CCNJL: variants seen among roughly 807,000 people sequenced by gnomAD.
CCNJL encodes the protein cyclin-J-like protein.
In CCNJL, 33 loss-of-function variants were observed where a neutral mutation model predicts 33.4. The observed-to-expected ratio is 0.99, with a 90% CI of 0.75 to 1.32. The LOEUF (loss-of-function observed/expected upper bound fraction) is 1.32, where lower values mean the gene tolerates loss of function less well. Ranked by LOEUF, CCNJL falls within the 40% of genes most tolerant of loss-of-function variation. The pLI is 0.00. For missense variants in CCNJL, 512 were observed against 499.7 expected (o/e 1.02, Z -0.23); for synonymous variants, 227 against 220.9 (o/e 1.03, Z -0.24).
At chr5:160,269,384 A>T in intron 3 of CCNJL, 1 of 456,356 alleles carries the variant, frequency 2.2e-6, no homozygotes, top group Non-Finnish European at 4.4e-6. Flanking sequence ...CTGTCCTCGT[A>T]CGGAGGATAG....
At chr5:160,254,218 A>C (rs1035039153) in intron 5 of CCNJL, 1 of 525,690 alleles carries the variant, frequency 1.9e-6, no homozygotes, top group Non-Finnish European at 3.4e-6. Context: ...GAATGAGCCC[A>C]ATCTCTGCTT....
At chr5:160,330,507 A>T (rs1048007495) in intron 1 of CCNJL, among the ~76,000 whole-genome samples, 13 of 152,158 alleles carry the variant, frequency 8.5e-5, no homozygotes, top group African/African-American at 3.1e-4. Context: ...CCCCCTTGTC[A>T]CTGCCATTCT....
chr5:160,313,433 G>A (rs1380948788), upstream of CCNJL, among the ~76,000 whole-genome samples: 1 of 152,172 alleles, frequency 6.6e-6, no homozygotes, highest in African/African-American at 2.4e-5. Flanking sequence ...AGGAGATAAT[G>A]CGTGTAAAGG....
rs1469117654 is a variant in CCNJL, at chr5:160,338,072, A to G, written n.206+1373T>C. 3.3e-5 allele frequency among the ~76,000 whole-genome samples: 5 copies of G among 152,340 alleles called. No homozygotes were observed. The East Asian group carries it at 9.6e-4, about 29-fold the overall frequency. ...AAGCAAGTTTGAATCCTTCATTTGC[A>G]TAAACATGTTTGATTGGAAACCTAT... On this transcript the variant is annotated intron_variant and non_coding_transcript_variant, in intron 1 of 7. Coordinates refer to the CCNJL transcript ENST00000377503.
chr5:160,291,036 TAAAAAAA>T (rs1177369719), intron 2 of CCNJL, among the ~76,000 whole-genome samples: 40 of 57,542 alleles, frequency 7.0e-4, no homozygotes, highest in African/African-American at 2.6e-3. Flanking sequence ...CGTCTTTACT[TAAAAAAA>T]AAAAAAAAAA....
At chr5:160,270,928 A>G (rs771690210) in intron 3 of CCNJL, among the ~76,000 whole-genome samples, 9 of 152,178 alleles carry the variant, frequency 5.9e-5, no homozygotes, top group Non-Finnish European at 1.2e-4. Flanking sequence ...ACAAGTACCT[A>G]CAAGTCGGGA....
In CCNJL at chr5:160,311,888, G is replaced by A. The variant is rs756623912; in HGVS notation, c.36C>T (p.Ala12=). ...MDEPWWEGRV[A]SDVHCTLREK... ...CGCGCAGGGTGCAGTGGACGTCCGA[G>A]GCGACGCGCCCTTCCCACCACGGCT... is the stretch of plus-strand genomic sequence containing the variant. Residue 12 remains alanine (A), a synonymous_variant, in exon 2 of 6, where the codon GCC becomes GCT. Transcript: ENST00000257536. 7 of 1,614,200 alleles carry A rather than the reference G, an allele frequency of 4.3e-6. No homozygotes were observed. The highest frequency in any genetic ancestry group is 5.9e-6 in the Non-Finnish European group (7 of 1,180,006).
intron 2 of CCNJL, among the ~76,000 whole-genome samples, chr5:160,297,366 A>G (rs1478559566): frequency 7.0e-6 from 1 of 143,380 alleles, no homozygotes; most frequent in Non-Finnish European, 1.5e-5. Context: ...CCACAGTTGA[A>G]GCCAGCAAAG....
chr5:160,321,066 CTTTCTTTCTTTCTT>C (rs1561812881), intron 1 of CCNJL, among the ~76,000 whole-genome samples: 59 of 121,292 alleles, frequency 4.9e-4, no homozygotes, highest in African/African-American at 2.6e-3. Flanking sequence ...TTCTTTCTTT[CTTTCTTTCTTTCTT>C]TCTTTCTTTC....
intron 1 of CCNJL, among the ~76,000 whole-genome samples, chr5:160,335,568 GTCTT>G (rs1409620295): frequency 2.0e-5 from 3 of 151,702 alleles, no homozygotes; most frequent in Non-Finnish European, 4.4e-5. Context: ...TCATTCCTTC[GTCTT>G]TCTTTCTTTC....
At position 160,287,178 on chromosome 5, in the gene CCNJL, CGTAAAT is replaced by C. The variant is rs1449469059; in HGVS notation, c.67-6446_67-6441del. 3.3e-5 allele frequency among the ~76,000 whole-genome samples: 5 copies of C among 152,132 alleles called. No individual in the cohort carries two copies. The East Asian group carries it at 9.6e-4, about 29-fold the overall frequency. On this transcript the variant is annotated intron_variant, in intron 2 of 5. Transcript: ENST00000257536. ...ATCTGAGAAATGGGGGTCACGCTGC[CGTAAAT>C]GTAGAGTATTTGGTGTTAACAGCAG...
At chr5:160,257,679 C>T (rs183959991) in intron 4 of CCNJL, among the ~76,000 whole-genome samples, 10 of 151,880 alleles carry the variant, frequency 6.6e-5, no homozygotes, top group Admixed American at 5.3e-4. Flanking sequence ...TAAGCGCAAC[C>T]TTGGGTAAGT....
chr5:160,267,748 GA>G (rs893463394), intron 3 of CCNJL, among the ~76,000 whole-genome samples: 6 of 152,170 alleles, frequency 3.9e-5, no homozygotes, highest in Non-Finnish European at 7.4e-5. Context: ...TTGTTGAAGA[GA>G]TAGTGTCTCA....
intron 3 of CCNJL, among the ~76,000 whole-genome samples, chr5:160,265,160 C>T (rs1173108266): frequency 6.6e-6 from 1 of 152,200 alleles, no homozygotes; most frequent in East Asian, 1.9e-4. Context: ...CCGTGTTCTG[C>T]ACTGTGCCCC....
intron 2 of CCNJL, among the ~76,000 whole-genome samples, chr5:160,288,260 A>G (rs1346869708): frequency 6.6e-6 from 1 of 152,028 alleles, no homozygotes; most frequent in African/African-American, 2.4e-5. Context: ...AACAGCCTGA[A>G]TTTTTCAAAA....
At chr5:160,315,959 A>C (rs189320210), upstream of CCNJL, among the ~76,000 whole-genome samples, 3 of 152,294 alleles carry the variant, frequency 2.0e-5, no homozygotes, top group Admixed American at 2.0e-4. Context: ...AACTTCAGCT[A>C]TCAATTATCA....
chr5:160,259,595 A>C lies in CCNJL; in HGVS notation c.457T>G (p.Tyr153Asp). 6.2e-7 allele frequency: 1 copy of C among 1,614,176 alleles called. No homozygotes were observed. Residue 153 changes from tyrosine (Y) to aspartate (D), a missense_variant, in exon 4 of 6, where the codon TAC becomes GAC. Tyr to Asp is a radical substitution (Grantham distance 160, BLOSUM62 -3). Coordinates refer to ENST00000257536, the MANE Select transcript of CCNJL (RefSeq NM_001308173.3). Reference protein sequence around the residue: ...CLPTPAHFLDYYLLASVSQKD... With the variant: ...CLPTPAHFLDDYLLASVSQKD... ...TGGCTGACGGAGGCCAAGAGGTAGTAGTCCAGGAAGTGGGCAGGCGTGGGC... is the reference window on the plus strand; with the variant it reads ...TGGCTGACGGAGGCCAAGAGGTAGTCGTCCAGGAAGTGGGCAGGCGTGGGC...
intron 2 of CCNJL, chr5:160,281,353 A>C: frequency 6.4e-6 from 1 of 157,144 alleles, no homozygotes; most frequent in Non-Finnish European, 1.4e-5. Flanking sequence ...CCTTCACCTC[A>C]ATTCCCTAAT....
rs1760902178 is a variant in CCNJL, at chr5:160,253,497, C to G, written c.1045G>C (p.Ala349Pro). Residue 349 changes from alanine to proline, a missense_variant, in exon 6 of 6, where the codon GCA becomes CCA. By Grantham distance (27) the Ala-to-Pro change is conservative. Coordinates refer to ENST00000257536, the MANE Select transcript of CCNJL (RefSeq NM_001308173.3). ...ATGGCCATATGCATGCTAAGGGATG[C>G]AGGGACGGGCACGGGACACATATCC... ...PLDMCPVPVPASLSMHMAIAA... is the reference protein window; with the variant it reads ...PLDMCPVPVPPSLSMHMAIAA... The G allele has an allele frequency of 6.2e-7, 1 of 1,614,014 alleles. No homozygotes were observed. The highest frequency in any genetic ancestry group is 1.3e-5 in the African/African-American group (1 of 74,930).
Sources: gnomAD v4.1 joint callset for allele counts (sites outside exome capture counted in the v4.1 genomes callset) on GRCh38, gnomAD v4.1.1 for gene constraint, MANE v1.5 for transcripts, NCBI Gene and HGNC (gene_info 2026-07-23, HGNC 2026-07-21) for gene names.